The following CPNE5 variants were observed in gnomAD, a reference collection of about 807,000 sequenced individuals.
CPNE5 encodes the protein copine 5, also known as copine-5.
Under a neutral mutation model 81.1 loss-of-function variants are expected in CPNE5, and 42 were observed. The observed-to-expected ratio is 0.52, with a 90% confidence interval of 0.40 to 0.67. The LOEUF (loss-of-function observed/expected upper bound fraction) is 0.67, where lower values mean the gene tolerates loss of function less well. CPNE5 is among the 30% of genes least tolerant of loss of function. The probability of loss-of-function intolerance (pLI) is 0.00; values close to 1 mark genes in which losing one functional copy is unlikely to be tolerated. For synonymous variants in CPNE5, 313 were observed against 321.5 expected, an observed-to-expected ratio of 0.97 and a Z score of 0.28; for missense variants, 612 against 815.5, an observed-to-expected ratio of 0.75 and a Z score of 3.04.
chr6:36,773,890 C>A (rs1767262838), intron 10 of CPNE5, among the ~76,000 whole-genome samples: 1 of 152,098 alleles, frequency 6.6e-6, no homozygotes, highest in African/African-American at 2.4e-5. Flanking sequence ...CATGGTGAAA[C>A]CCCATGTCCA....
At chr6:36,827,259 T>G in intron 1 of CPNE5, 1 of 917,678 alleles carries the variant, frequency 1.1e-6, no homozygotes, top group African/African-American at 1.8e-5. Flanking sequence ...CGTCCACACT[T>G]GCCTCCGTCC....
chr6:36,759,542 C>A (rs1259398697), intron 12 of CPNE5, among the ~76,000 whole-genome samples: 1 of 152,026 alleles, frequency 6.6e-6, no homozygotes, highest in Non-Finnish European at 1.5e-5. Context: ...ACACAACCCC[C>A]ACCCTGAGGA....
chr6:36,789,517 A>C (rs185891716), intron 8 of CPNE5, among the ~76,000 whole-genome samples: 2 of 152,328 alleles, frequency 1.3e-5, no homozygotes, highest in African/African-American at 4.8e-5. Context: ...AGGTTCAAGG[A>C]ATTCAGATGC....
chr6:36,756,117 C>A, intron 13 of CPNE5, 128 bp downstream of exon 13: 2 of 445,656 alleles, frequency 4.5e-6, no homozygotes, highest in Admixed American at 3.1e-5. Context: ...CACCCCATCT[C>A]TCTTGGATGT....
chr6:36,751,214 C>T (rs1764782881), intron 14 of CPNE5, among the ~76,000 whole-genome samples: 3 of 152,222 alleles, frequency 2.0e-5, no homozygotes, highest in Non-Finnish European at 2.9e-5. Context: ...ATGGGTGGCA[C>T]CAGCTTAGCT....
At chr6:36,743,253 T>C in intron 20 of CPNE5, 1 of 985,162 alleles carries the variant, frequency 1.0e-6, no homozygotes, top group Non-Finnish European at 1.2e-6. Flanking sequence ...GACAAAGGTC[T>C]TTCTGCTCAT....
chr6:36,793,141 G>A (rs1249726559), intron 7 of CPNE5, among the ~76,000 whole-genome samples: 1 of 152,170 alleles, frequency 6.6e-6, no homozygotes, highest in African/African-American at 2.4e-5. Context: ...AGGGCCACCA[G>A]CATGCTGTCT....
In CPNE5 at chr6:36,798,233, C is replaced by T. The variant is rs745332575; in HGVS notation, c.336G>A (p.Leu112=). The T allele has an allele frequency of 1.2e-6, 2 of 1,613,354 alleles. No homozygotes were observed. Among genetic ancestry groups the T allele is most frequent in the Non-Finnish European group, 1.7e-6 (2 of 1,179,706 alleles). Residue 112 remains leucine, a synonymous_variant, in exon 6 of 21, where the codon CTG becomes CTA. Coordinates refer to ENST00000244751, the MANE Select transcript of CPNE5 (RefSeq NM_020939.2). Reference sequence around the variant, plus strand: ...CTCCAAGGGTGCAGAAGGCCTGGCCCAGGAAATCCTGCATATCCAGGGAAC... The same window carrying T: ...CTCCAAGGGTGCAGAAGGCCTGGCCTAGGAAATCCTGCATATCCAGGGAAC... ...KSPDLSKHDF[L]GQAFCTLGEI...
intron 1 of CPNE5, among the ~76,000 whole-genome samples, chr6:36,837,576 C>G (rs1486199497): frequency 6.6e-6 from 1 of 152,158 alleles, no homozygotes; most frequent in East Asian, 1.9e-4. Context: ...ATGTGAGTGA[C>G]CCTGTGGCCC....
chr6:36,808,805 C>T (rs200530515), intron 3 of CPNE5, among the ~76,000 whole-genome samples: 1 of 152,170 alleles, frequency 6.6e-6, no homozygotes, highest in Non-Finnish European at 1.5e-5. Flanking sequence ...AACAACCTTC[C>T]GAAGCAGAAC....
intron 15 of CPNE5, among the ~76,000 whole-genome samples, chr6:36,747,120 ACTCCCTGGCCCG>A (rs932959274): frequency 5.3e-5 from 8 of 151,704 alleles, no homozygotes; most frequent in African/African-American, 1.9e-4. Flanking sequence ...CCAGATGTCC[ACTCCCTGGCCCG>A]CTCCCTGGCC....
intron 6 of CPNE5, among the ~76,000 whole-genome samples, chr6:36,795,912 C>T (rs1361829634): frequency 6.6e-6 from 1 of 152,098 alleles, no homozygotes; most frequent in Non-Finnish European, 1.5e-5. Flanking sequence ...AGGTCCACCT[C>T]CTCCTCCAAC....
chr6:36,814,262 T>G (rs1014038044), intron 3 of CPNE5, among the ~76,000 whole-genome samples: 6 of 152,156 alleles, frequency 3.9e-5, no homozygotes, highest in Admixed American at 2.0e-4. Context: ...TTCAATTCCT[T>G]GTCACCTGTG....
chr6:36,816,205 T>C (rs1290250989), intron 3 of CPNE5, among the ~76,000 whole-genome samples: 1 of 152,192 alleles, frequency 6.6e-6, no homozygotes, highest in Admixed American at 6.5e-5. Context: ...GTTTTGGACA[T>C]CAAGTTCAGG....
intron 3 of CPNE5, among the ~76,000 whole-genome samples, chr6:36,811,240 T>C (rs1256940976): frequency 6.6e-6 from 1 of 152,076 alleles, no homozygotes; most frequent in African/African-American, 2.4e-5. Context: ...CCAAGCATCA[T>C]GGAGGGGGCC....
At chr6:36,769,319 C>T (rs1266344874) in intron 10 of CPNE5, among the ~76,000 whole-genome samples, 1 of 152,164 alleles carries the variant, frequency 6.6e-6, no homozygotes, top group Non-Finnish European at 1.5e-5. Context: ...AGTGGTGATG[C>T]CAGGAGTCAG....
In CPNE5 at chr6:36,766,726, A is replaced by T; in HGVS notation, c.738-1350T>A. ...GCCATAAGCCACCATTGAAAGGAGA[A>T]GTAATAACGGCCTTGCAGAACAGCT... is the stretch of plus-strand genomic sequence containing the variant. On this transcript the variant is annotated intron_variant, in intron 10 of 20. Transcript: ENST00000244751. The surrounding 1 kb of genome is among the most constrained non-coding windows in gnomAD (Gnocchi z 4.2). Among the ~76,000 whole-genome samples, 1 of 152,196 alleles carries T rather than the reference A, an allele frequency of 6.6e-6. No individual in the cohort carries two copies. Among genetic ancestry groups the T allele is most frequent in the East Asian group, 1.9e-4 (1 of 5,196 alleles).
intron 9 of CPNE5, among the ~76,000 whole-genome samples, chr6:36,777,847 G>A (rs1767688289): frequency 6.8e-6 from 1 of 147,104 alleles, no homozygotes; most frequent in African/African-American, 2.6e-5. Context: ...TCTGCCCTCT[G>A]GGCACACTTG....
At chr6:36,760,841 T>C (rs1582775663) in intron 12 of CPNE5, among the ~76,000 whole-genome samples, 1 of 152,326 alleles carries the variant, frequency 6.6e-6, no homozygotes, top group East Asian at 1.9e-4. Context: ...AGGTCTTTAC[T>C]GGCTGGAGCC....
Sources: gnomAD v4.1 joint callset for allele counts (sites outside exome capture counted in the v4.1 genomes callset) on GRCh38, gnomAD v4.1.1 for gene constraint, Gnocchi (gnomAD v3.1) non-coding constraint, MANE v1.5 for transcripts, NCBI Gene and HGNC (gene_info 2026-07-23, HGNC 2026-07-21) for gene names.